Variants in HEATR5A observed in about 807,000 individuals in gnomAD.
HEATR5A encodes the protein HEAT repeat-containing protein 5A.
Under a neutral mutation model 218.8 loss-of-function variants are expected in HEATR5A, and 178 were observed. The observed-to-expected ratio is 0.81, with a 90% CI of 0.72 to 0.92. HEATR5A has a LOEUF of 0.92. Among genes scored for constraint, HEATR5A ranks in the 40% least tolerant of loss-of-function variants. The pLI is 0.00. For synonymous variants in HEATR5A, 864 were observed against 871.6 expected, an observed-to-expected ratio of 0.99 and a Z score of 0.15; for missense variants, 2,420 against 2,418.9, an observed-to-expected ratio of 1.00 and a Z score of -0.01.
At chr14:31,373,682 A>G (rs912153938) in intron 12 of HEATR5A, among the ~76,000 whole-genome samples, 1 of 152,090 alleles carries the variant, frequency 6.6e-6, no homozygotes, top group African/African-American at 2.4e-5. Context: ...ACTTTCATAT[A>G]CAGGTGACCC....
At chr14:31,392,418 T>C (rs571740666) in intron 6 of HEATR5A, among the ~76,000 whole-genome samples, 43 of 152,344 alleles carry the variant, frequency 2.8e-4, no homozygotes, top group African/African-American at 9.1e-4. Context: ...CAATGGTTTC[T>C]TGTGTTCTCC....
chr14:31,291,962 T>TATC lies in HEATR5A; in HGVS notation c.*1340_*1342dup, dbSNP rs1383053147. ...TGTCTTCTCAATTCTGACATGCTTC[T>TATC]ATCACTTCGGTTTGTAATTTTTAAG... On this transcript the variant is annotated 3_prime_UTR_variant, in exon 36 of 36. Coordinates refer to ENST00000543095, the MANE Select transcript of HEATR5A (RefSeq NM_015473.4). 2 of 152,224 alleles carry TATC rather than the reference T, an allele frequency of 1.3e-5. No individual in the cohort carries two copies. The highest frequency in any genetic ancestry group is 4.8e-5 in the African/African-American group (2 of 41,450). The allele number at this position is 152,224 out of a possible 1,614,324, so 9.4% of individuals were successfully genotyped here. A position where few individuals can be genotyped will look rare whatever the true frequency, so the allele number is the denominator to read the frequency against.
chr14:31,405,998 C>T (rs1858672561), intron 1 of HEATR5A, among the ~76,000 whole-genome samples: 2 of 152,268 alleles, frequency 1.3e-5, no homozygotes. Flanking sequence ...TTGGTAATCT[C>T]GCATCTAAAA....
At chr14:31,328,862 G>A (rs575136329) in intron 22 of HEATR5A, among the ~76,000 whole-genome samples, 16 of 149,796 alleles carry the variant, frequency 1.1e-4, no homozygotes, top group Non-Finnish European at 1.6e-4. Flanking sequence ...CCTGGGAGAC[G>A]GAGTGAGACT....
intron 1 of HEATR5A, among the ~76,000 whole-genome samples, chr14:31,410,447 AT>A (rs2031234079): frequency 6.6e-6 from 1 of 152,322 alleles, no homozygotes; most frequent in Admixed American, 6.5e-5. Flanking sequence ...TTCATTTGTG[AT>A]TTAGGCTTTG....
chr14:31,333,002 G>T (rs1284021868), intron 22 of HEATR5A, among the ~76,000 whole-genome samples: 1 of 145,796 alleles, frequency 6.9e-6, no homozygotes, highest in Non-Finnish European at 1.5e-5. Context: ...AAAAAAAAAA[G>T]TTCAAATCAG....
chr14:31,359,902 TC>T lies in HEATR5A; in HGVS notation c.2072-846del, dbSNP rs1901561755. 2.0e-5 allele frequency among the ~76,000 whole-genome samples: 3 copies of T among 152,072 alleles called. No individual in the cohort carries two copies. The South Asian group carries it at 6.2e-4, about 32-fold the overall frequency. On this transcript the variant is annotated intron_variant, in intron 14 of 35. Coordinates refer to ENST00000543095, the MANE Select transcript of HEATR5A (RefSeq NM_015473.4). ...CTGCAACAGTATTATTTCACCTACA[TC>T]CCCATTCCTGATCCCACATTTCTCC...
rs780925072 is a variant in HEATR5A at position 31,345,084 on chromosome 14, C to T, written c.3058+3G>A. On this transcript the variant is annotated splice_donor_region_variant and intron_variant, in intron 20 of 35. Transcript: ENST00000543095. ...AAAACATCACAAAAGCAGCTATGCA[C>T]ACCTTGTAGCTCTGGACCTAACGTG... 6.2e-7 allele frequency: 1 copy of T among 1,605,938 alleles called. No homozygotes were observed. The highest frequency in any genetic ancestry group is 1.1e-5 in the South Asian group (1 of 89,522).
intron 13 of HEATR5A, among the ~76,000 whole-genome samples, chr14:31,364,786 G>C (rs1052801642): frequency 2.0e-5 from 3 of 151,990 alleles, no homozygotes; most frequent in South Asian, 4.1e-4. Flanking sequence ...TTTATCTTCT[G>C]TTCACCTTTC....
At chr14:31,402,819 A>C in intron 2 of HEATR5A, 31 bp downstream of exon 2, 1 of 1,534,350 alleles carries the variant, frequency 6.5e-7, no homozygotes, top group Non-Finnish European at 8.7e-7. Context: ...GGGCACTTAA[A>C]CAAAAAAACA....
chr14:31,299,068 C>G (rs1899281688), intron 33 of HEATR5A, among the ~76,000 whole-genome samples: 1 of 152,176 alleles, frequency 6.6e-6, no homozygotes, highest in Admixed American at 6.6e-5. Flanking sequence ...TGGTCCTCTT[C>G]TTGCTCCAGA....
At chr14:31,350,586 A>C in intron 17 of HEATR5A, 26 bp downstream of exon 17, 1 of 1,310,978 alleles carries the variant, frequency 7.6e-7, no homozygotes, top group South Asian at 1.3e-5. Context: ...TGAAGCCAAC[A>C]TTTAAATGAA....
In HEATR5A at chr14:31,389,012, C is replaced by T; in HGVS notation, c.773-7G>A. On this transcript the variant is annotated splice_polypyrimidine_tract_variant and splice_region_variant and intron_variant, in intron 6 of 35. Coordinates refer to ENST00000543095, the MANE Select transcript of HEATR5A (RefSeq NM_015473.4). The stretch of plus-strand genomic sequence containing the variant: ...ATGCTTTGACGTGAGGCTGCTATGA[C>T]AAAGAACAAAACTGTGATTCATATT... 1.3e-6 allele frequency: 2 copies of T among 1,596,446 alleles called. No individual in the cohort carries two copies. The highest frequency in any genetic ancestry group is 1.7e-6 in the Non-Finnish European group (2 of 1,170,530).
rs1899072908 is a variant in HEATR5A, at chr14:31,293,217, G to A, written c.*88C>T. The A allele has an allele frequency of 2.0e-6, 2 of 1,000,096 alleles. No individual in the cohort carries two copies. The highest frequency in any genetic ancestry group is 2.5e-5 in the Admixed American group (1 of 40,344). The allele number at this position is 1,000,096 out of a possible 1,614,324, so 62.0% of individuals were successfully genotyped here. The stretch of plus-strand genomic sequence containing the variant: ...AAAACAATCAACTAGACCTCTAAGG[G>A]CACTTGTGTCTACAATGTCCCTTTT... On this transcript the variant is annotated 3_prime_UTR_variant, in exon 36 of 36. Transcript: ENST00000543095.
chr14:31,353,673 C>T (rs1026711089), intron 16 of HEATR5A, among the ~76,000 whole-genome samples: 36 of 152,178 alleles, frequency 2.4e-4, no homozygotes, highest in African/African-American at 8.2e-4. Flanking sequence ...GAGACTGAAG[C>T]TGCAGTGAGG....
intron 16 of HEATR5A, 49 bp from the exon 17 acceptor site, chr14:31,350,766 T>G: frequency 4.3e-6 from 3 of 692,522 alleles, no homozygotes; most frequent in Non-Finnish European, 7.4e-6. Flanking sequence ...AAGTTTTTGT[T>G]TGTTTGTTTG....
rs565453501 is a variant in HEATR5A at position 31,365,679 on chromosome 14, T to C, written c.1962-1381A>G. Among the ~76,000 whole-genome samples the C allele has an allele frequency of 1.4e-3, 216 of 151,800 alleles. 1 individual carries two copies. The highest frequency in any genetic ancestry group is 5.1e-3 in the African/African-American group (210 of 41,362). ...CAGCGTGTACTTTTTTTGTTGTTGTTGTCGAGACAGGGTCTTGCTCTGTCG... is the reference window on the plus strand; with the variant it reads ...CAGCGTGTACTTTTTTTGTTGTTGTCGTCGAGACAGGGTCTTGCTCTGTCG... On this transcript the variant is annotated intron_variant, in intron 13 of 35. Transcript: ENST00000543095.
intron 1 of HEATR5A, among the ~76,000 whole-genome samples, chr14:31,409,315 T>A (rs1328957548): frequency 6.6e-6 from 1 of 150,776 alleles, no homozygotes; most frequent in Non-Finnish European, 1.5e-5. Context: ...CCCAAAGTGC[T>A]GGGATTACAG....
chr14:31,398,257 T>C (rs1283704071), intron 4 of HEATR5A, among the ~76,000 whole-genome samples: 1 of 152,196 alleles, frequency 6.6e-6, no homozygotes, highest in Non-Finnish European at 1.5e-5. Flanking sequence ...CAGATTATAT[T>C]CCTTACTACC....
Sources: allele counts gnomAD v4.1 joint callset (sites outside exome capture counted in the v4.1 genomes callset), GRCh38; gene constraint gnomAD v4.1.1; transcripts MANE v1.5; gene names NCBI Gene and HGNC (gene_info 2026-07-23, HGNC 2026-07-21).